Variants in CA10 observed in about 807,000 individuals in gnomAD.
The protein encoded by CA10 is carbonic anhydrase 10 (inactive).
In CA10, 14 loss-of-function variants were observed where a neutral mutation model predicts 44.2. The ratio of observed to expected loss-of-function variants is 0.32; its 90% CI spans 0.21 to 0.50. The LOEUF is 0.50. CA10 is among the 20% of genes least tolerant of loss of function. The pLI, the probability that CA10 is intolerant of heterozygous loss-of-function variation, is 0.99. For missense variants in CA10, 350 were observed against 409.7 expected (o/e 0.85, Z 1.26); for synonymous variants, 159 against 141.6 (o/e 1.12, Z -0.87).
intron 1 of CA10, among the ~76,000 whole-genome samples, chr17:52,127,115 T>G (rs1327493181): frequency 6.6e-6 from 1 of 152,210 alleles, no homozygotes; most frequent in Non-Finnish European, 1.5e-5. Flanking sequence ...ACCCCAACCA[T>G]GAAGTGATTA....
intron 4 of CA10, among the ~76,000 whole-genome samples, chr17:51,658,003 A>AT (rs1484613891): frequency 2.0e-5 from 3 of 152,200 alleles, no homozygotes; most frequent in Non-Finnish European, 4.4e-5. Flanking sequence ...AATAATCTTG[A>AT]TTTTTTAAAT....
At chr17:51,679,746 C>T (rs1265202138) in intron 4 of CA10, among the ~76,000 whole-genome samples, 1 of 151,896 alleles carries the variant, frequency 6.6e-6, no homozygotes, top group Non-Finnish European at 1.5e-5. Context: ...GTCTGAGGGG[C>T]TAGAGTGTGA....
At chr17:52,061,305 AG>A (rs1278767852) in intron 2 of CA10, among the ~76,000 whole-genome samples, 3 of 152,140 alleles carry the variant, frequency 2.0e-5, no homozygotes, top group African/African-American at 7.2e-5. Flanking sequence ...CATGCAAGGA[AG>A]GGACCCTGCA....
intron 3 of CA10, among the ~76,000 whole-genome samples, chr17:51,837,515 G>A (rs558528769): frequency 1.3e-5 from 2 of 152,234 alleles, no homozygotes; most frequent in East Asian, 3.9e-4. Context: ...TTAGAGTTAC[G>A]AAATAATTAT....
At chr17:51,702,943 CT>C (rs1965136695) in intron 4 of CA10, among the ~76,000 whole-genome samples, 1 of 152,180 alleles carries the variant, frequency 6.6e-6, no homozygotes, top group Non-Finnish European at 1.5e-5. Context: ...TTACCCAGGA[CT>C]TTGGGAATGG....
chr17:51,999,263 G>A (rs1238845285), intron 2 of CA10, among the ~76,000 whole-genome samples: 3 of 152,024 alleles, frequency 2.0e-5, no homozygotes, highest in South Asian at 4.1e-4. Context: ...GCAGAGGATT[G>A]TGGGAAAACC....
intron 4 of CA10, among the ~76,000 whole-genome samples, chr17:51,715,388 A>T (rs1175731430): frequency 6.6e-6 from 1 of 152,106 alleles, no homozygotes; most frequent in Non-Finnish European, 1.5e-5. Context: ...ACCAAAAAAC[A>T]TATTTGGGGA....
At position 52,050,483 on chromosome 17, in the gene CA10, C is replaced by T. The variant is rs1029464308; in HGVS notation, c.136+21836G>A. On this transcript the variant is annotated intron_variant, in intron 2 of 8. Coordinates refer to ENST00000451037, the MANE Select transcript of CA10 (RefSeq NM_020178.5). ...AAACAGATTGGTAAACAATGTATAT[C>T]ATGCATGCCACTACTCTGGTTAACA... Among the ~76,000 whole-genome samples, 8 of 152,108 alleles carry T rather than the reference C, an allele frequency of 5.3e-5. No individual in the cohort carries two copies. In the South Asian group the frequency reaches 1.7e-3, roughly 31 times the overall value.
At chr17:51,758,152 C>T (rs945865446) in intron 3 of CA10, among the ~76,000 whole-genome samples, 4 of 152,086 alleles carry the variant, frequency 2.6e-5, no homozygotes, top group African/African-American at 7.2e-5. Context: ...CTGAGTCAGC[C>T]TGTGTTTCCT....
intron 1 of CA10, among the ~76,000 whole-genome samples, chr17:52,113,731 A>C (rs1294142809): frequency 1.3e-5 from 2 of 152,270 alleles, no homozygotes; most frequent in Non-Finnish European, 2.9e-5. Flanking sequence ...CTGAAGGAAG[A>C]TAAAAACACT....
chr17:52,116,658 C>T (rs1988904600), intron 1 of CA10, among the ~76,000 whole-genome samples: 1 of 152,152 alleles, frequency 6.6e-6, no homozygotes, highest in Non-Finnish European at 1.5e-5. Flanking sequence ...ACCAGGGGTG[C>T]CTGTTACCCC....
chr17:52,014,811 C>T (rs570273393), intron 2 of CA10, among the ~76,000 whole-genome samples: 1 of 151,964 alleles, frequency 6.6e-6, no homozygotes, highest in Admixed American at 6.6e-5. Context: ...TAACTAGATG[C>T]TCATTTTCAC....
intron 3 of CA10, among the ~76,000 whole-genome samples, chr17:51,800,685 A>G (rs1000161426): frequency 1.3e-5 from 2 of 152,236 alleles, no homozygotes; most frequent in African/African-American, 2.4e-5. Flanking sequence ...CAGATCATCA[A>G]TTATAAGACA....
chr17:52,078,562 C>T (rs1987879063), intron 1 of CA10, among the ~76,000 whole-genome samples: 1 of 152,202 alleles, frequency 6.6e-6, no homozygotes, highest in Admixed American at 6.5e-5. Flanking sequence ...AATTGCATTT[C>T]TCCACTGGAG....
At chr17:52,076,713 T>C (rs1005333170) in intron 1 of CA10, among the ~76,000 whole-genome samples, 4 of 152,200 alleles carry the variant, frequency 2.6e-5, no homozygotes, top group Admixed American at 2.0e-4. Context: ...GCCACAGTAC[T>C]ACAAGAAGTT....
At chr17:51,848,348 C>T (rs1308508731) in intron 3 of CA10, among the ~76,000 whole-genome samples, 1 of 152,160 alleles carries the variant, frequency 6.6e-6, no homozygotes, top group Non-Finnish European at 1.5e-5. Flanking sequence ...TGCCTCACTC[C>T]TCTCACACTC....
intron 3 of CA10, among the ~76,000 whole-genome samples, chr17:51,777,702 G>A (rs1370391650): frequency 2.0e-5 from 3 of 152,196 alleles, no homozygotes; most frequent in African/African-American, 4.8e-5. Flanking sequence ...CCAGCACTTC[G>A]GGTGGACTGC....
intron 4 of CA10, among the ~76,000 whole-genome samples, chr17:51,716,159 GCTA>G (rs1478223138): frequency 1.3e-5 from 2 of 152,156 alleles, no homozygotes; most frequent in African/African-American, 2.4e-5. Context: ...TGTGAAAATG[GCTA>G]CTATTTTCTT....
intron 1 of CA10, among the ~76,000 whole-genome samples, chr17:52,148,635 C>A (rs1014308351): frequency 6.6e-6 from 1 of 152,162 alleles, no homozygotes; most frequent in African/African-American, 2.4e-5. Context: ...CAGATCTTGT[C>A]CCTCAGTCTG....
Sources: allele counts gnomAD v4.1 joint callset (sites outside exome capture counted in the v4.1 genomes callset), GRCh38; gene constraint gnomAD v4.1.1; transcripts MANE v1.5; gene names NCBI Gene and HGNC (gene_info 2026-07-23, HGNC 2026-07-21).